DNER: variants seen among roughly 807,000 people sequenced by gnomAD.
DNER encodes the protein delta and Notch-like epidermal growth factor-related receptor.
Under a neutral mutation model 78.2 loss-of-function variants are expected in DNER, and 33 were observed. That is an observed-to-expected ratio of 0.42 (90% CI 0.32 to 0.56). DNER has a LOEUF of 0.56. Among genes scored for constraint, DNER ranks in the 20% least tolerant of loss-of-function variants. The pLI is 0.11. For missense variants in DNER, 918 were observed against 975.3 expected (o/e 0.94, Z 0.78); for synonymous variants, 417 against 384.8 (o/e 1.08, Z -0.98).
rs547791133 is a variant in DNER at position 229,514,140 on chromosome 2, T to C, written c.994-1204A>G. ...TGAATATTTATGTTTTTGTAGCTAT[T>C]GATAATGAAATATCTTCTTCATCCT... On this transcript the variant is annotated intron_variant, in intron 5 of 12. Coordinates refer to ENST00000341772, the MANE Select transcript of DNER (RefSeq NM_139072.4). 2.0e-5 allele frequency among the ~76,000 whole-genome samples: 3 copies of C among 152,328 alleles called. No individual in the cohort carries two copies. The South Asian group carries it at 6.2e-4, about 32-fold the overall frequency.
At chr2:229,633,868 C>G (rs1243278257) in intron 1 of DNER, among the ~76,000 whole-genome samples, 1 of 152,244 alleles carries the variant, frequency 6.6e-6, no homozygotes, top group East Asian at 1.9e-4. Flanking sequence ...CTCTAGACTC[C>G]TTCTCTGAAG....
intron 1 of DNER, among the ~76,000 whole-genome samples, chr2:229,670,170 T>C (rs536398263): frequency 2.2e-4 from 34 of 152,286 alleles, no homozygotes; most frequent in African/African-American, 6.5e-4. Context: ...ATTCAAAGGA[T>C]CCAGGCCAGA....
intron 4 of DNER, among the ~76,000 whole-genome samples, chr2:229,585,044 G>C (rs1697473788): frequency 1.3e-5 from 2 of 152,034 alleles, no homozygotes; most frequent in African/African-American, 4.8e-5. Flanking sequence ...TGGAGGAGAG[G>C]GGCCCCAAAG....
intron 1 of DNER, among the ~76,000 whole-genome samples, chr2:229,675,082 G>A (rs974685259): frequency 6.6e-6 from 1 of 152,216 alleles, no homozygotes; most frequent in Non-Finnish European, 1.5e-5. Context: ...GTCGACACAT[G>A]TGCATGTCTA....
intron 7 of DNER, among the ~76,000 whole-genome samples, chr2:229,457,542 C>A (rs1424330268): frequency 2.6e-5 from 4 of 151,816 alleles, no homozygotes; most frequent in Admixed American, 1.3e-4. Context: ...AACCAAAAAA[C>A]CCAGCAGTAT....
chr2:229,442,881 A>T (rs1694265872), intron 8 of DNER, among the ~76,000 whole-genome samples: 1 of 152,224 alleles, frequency 6.6e-6, no homozygotes, highest in Non-Finnish European at 1.5e-5. Context: ...TTACATCTAA[A>T]ATCCTTACAA....
At chr2:229,577,858 A>C (rs1697330610) in intron 4 of DNER, among the ~76,000 whole-genome samples, 1 of 152,232 alleles carries the variant, frequency 6.6e-6, no homozygotes, top group Non-Finnish European at 1.5e-5. Flanking sequence ...AAGATCCTTA[A>C]AAATATATAA....
At chr2:229,704,391 A>C (rs2154217743) in intron 1 of DNER, among the ~76,000 whole-genome samples, 1 of 152,384 alleles carries the variant, frequency 6.6e-6, no homozygotes, top group South Asian at 2.1e-4. Flanking sequence ...GTCCACTTAA[A>C]GACCTGTATG....
chr2:229,445,888 C>T (rs530151882), intron 8 of DNER, among the ~76,000 whole-genome samples: 2 of 152,348 alleles, frequency 1.3e-5, no homozygotes, highest in South Asian at 2.1e-4. Flanking sequence ...AGGAAAGAGG[C>T]ACTTGGCAAA....
chr2:229,593,242 C>T (rs997616624), intron 1 of DNER, among the ~76,000 whole-genome samples: 2 of 152,008 alleles, frequency 1.3e-5, no homozygotes, highest in African/African-American at 2.4e-5. Flanking sequence ...AGGCCCCTTC[C>T]TCTCCTCCCA....
At chr2:229,477,558 G>T (rs975587701) in intron 6 of DNER, among the ~76,000 whole-genome samples, 7 of 152,218 alleles carry the variant, frequency 4.6e-5, no homozygotes, top group African/African-American at 1.7e-4. Context: ...CAGAAGCTGA[G>T]ACTGAGGATC....
At chr2:229,400,290 G>T (rs1693239642) in intron 10 of DNER, among the ~76,000 whole-genome samples, 1 of 152,046 alleles carries the variant, frequency 6.6e-6, no homozygotes, top group Admixed American at 6.6e-5. Context: ...TTATGGATAA[G>T]CACATGTCCA....
At chr2:229,508,553 G>C (rs1326894701) in intron 6 of DNER, among the ~76,000 whole-genome samples, 1 of 152,126 alleles carries the variant, frequency 6.6e-6, no homozygotes, top group African/African-American at 2.4e-5. Flanking sequence ...AAAAATAAAT[G>C]TTTCTATAAA....
At chr2:229,628,075 C>G (rs559479746) in intron 1 of DNER, among the ~76,000 whole-genome samples, 2 of 152,180 alleles carry the variant, frequency 1.3e-5, no homozygotes, top group Admixed American at 6.5e-5. Flanking sequence ...AAGGCCCTCG[C>G]CTGGTCCAGT....
At chr2:229,595,035 C>T (rs1344538421) in intron 1 of DNER, among the ~76,000 whole-genome samples, 2 of 148,718 alleles carry the variant, frequency 1.3e-5, no homozygotes, top group Non-Finnish European at 3.0e-5. Flanking sequence ...CTAGTACAAG[C>T]ACTAAAAGTT....
At chr2:229,538,818 C>A (rs1276673682) in intron 5 of DNER, among the ~76,000 whole-genome samples, 4 of 152,192 alleles carry the variant, frequency 2.6e-5, no homozygotes, top group Non-Finnish European at 5.9e-5. Context: ...GGATTACAGG[C>A]GTGAGCCCCC....
intron 5 of DNER, among the ~76,000 whole-genome samples, chr2:229,516,484 C>G (rs952387536): frequency 6.6e-6 from 1 of 152,120 alleles, no homozygotes; most frequent in Admixed American, 6.5e-5. Context: ...AAAGATACTT[C>G]CTTGTAAAAG....
intron 1 of DNER, among the ~76,000 whole-genome samples, chr2:229,608,368 C>A (rs1006680657): frequency 3.3e-5 from 5 of 152,218 alleles, no homozygotes; most frequent in African/African-American, 1.2e-4. Context: ...ATGTGACCCA[C>A]AACGCCTAAA....
At chr2:229,683,266 T>A (rs553452407) in intron 1 of DNER, among the ~76,000 whole-genome samples, 2 of 152,254 alleles carry the variant, frequency 1.3e-5, no homozygotes, top group African/African-American at 4.8e-5. Flanking sequence ...GCTCAGCAGA[T>A]TTCGTAATTT....
Sources: allele counts gnomAD v4.1 joint callset (sites outside exome capture counted in the v4.1 genomes callset), GRCh38; gene constraint gnomAD v4.1.1; transcripts MANE v1.5; gene names NCBI Gene and HGNC (gene_info 2026-07-23, HGNC 2026-07-21).